Variants in LAMA2 observed in about 807,000 individuals in gnomAD.
The protein encoded by LAMA2 is laminin subunit alpha-2.
LAMA2 carries 269 observed loss-of-function variants against 364.8 expected under a neutral mutation model. The observed-to-expected ratio is 0.74, with a 90% CI of 0.67 to 0.82. LAMA2 has a LOEUF of 0.82. LAMA2 is among the 40% of genes least tolerant of loss of function. LAMA2 has a pLI of 0.00. For synonymous variants in LAMA2, 1,379 were observed against 1,370.6 expected, an observed-to-expected ratio of 1.01 and a Z score of -0.14; for missense variants, 3,807 against 3,873.2, an observed-to-expected ratio of 0.98 and a Z score of 0.45.
At chr6:129,239,135 T>C (rs757992130) in intron 12 of LAMA2, among the ~76,000 whole-genome samples, 8 of 152,196 alleles carry the variant, frequency 5.3e-5, no homozygotes, top group Non-Finnish European at 8.8e-5. Context: ...GATTATTCAA[T>C]TGAATCATCA....
At chr6:129,346,909 G>A (rs893018398) in intron 30 of LAMA2, among the ~76,000 whole-genome samples, 7 of 152,166 alleles carry the variant, frequency 4.6e-5, no homozygotes, top group African/African-American at 1.7e-4. Context: ...GTGCAGAAAT[G>A]TGAATGGTGT....
chr6:129,012,069 T>C (rs1490432391), intron 1 of LAMA2, among the ~76,000 whole-genome samples: 1 of 152,142 alleles, frequency 6.6e-6, no homozygotes, highest in African/African-American at 2.4e-5. Context: ...TCAGGATTAA[T>C]TTTTTTGTCA....
intron 12 of LAMA2, among the ~76,000 whole-genome samples, chr6:129,218,900 A>G (rs1240097054): frequency 6.6e-6 from 1 of 152,192 alleles, no homozygotes; most frequent in African/African-American, 2.4e-5. Context: ...CAATATTTAT[A>G]TGTAAAACCT....
At chr6:129,479,914 C>G (rs1255621649) in intron 54 of LAMA2, 1 of 152,004 alleles carries the variant, frequency 6.6e-6, no homozygotes, top group Non-Finnish European at 1.5e-5. Context: ...CTGTAAGGAC[C>G]CATACTGGCT....
At chr6:128,925,243 G>T (rs1779011669) in intron 1 of LAMA2, among the ~76,000 whole-genome samples, 2 of 152,128 alleles carry the variant, frequency 1.3e-5, no homozygotes, top group Non-Finnish European at 2.9e-5. Context: ...ATTTACAATG[G>T]CCAAAAGGTG....
In LAMA2 at chr6:129,291,611, C is replaced by T. The variant is rs1439257280; in HGVS notation, c.2750-3C>T. The T allele has an allele frequency of 3.7e-6, 6 of 1,611,030 alleles. No individual in the cohort carries two copies. The highest frequency in any genetic ancestry group is 5.1e-6 in the Non-Finnish European group (6 of 1,177,202). ...TGATCACAGGTCTCTCTTCTCTTTG[C>T]AGCCTGTCGCTGTAATGCCGGTGGC... On this transcript the variant is annotated splice_polypyrimidine_tract_variant and splice_region_variant and intron_variant, in intron 19 of 64. Coordinates refer to ENST00000421865, the MANE Select transcript of LAMA2 (RefSeq NM_000426.4).
intron 12 of LAMA2, among the ~76,000 whole-genome samples, chr6:129,212,683 A>G (rs1396452625): frequency 6.6e-6 from 1 of 152,198 alleles, no homozygotes; most frequent in Non-Finnish European, 1.5e-5. Flanking sequence ...CTTGTTTTCA[A>G]ACATCGATTT....
chr6:129,313,982 T>C (rs1284841903), intron 23 of LAMA2, among the ~76,000 whole-genome samples: 2 of 152,262 alleles, frequency 1.3e-5, no homozygotes, highest in Non-Finnish European at 2.9e-5. Flanking sequence ...CTGCTGCCTA[T>C]TTCTTACAGC....
chr6:129,496,623 CTT>C (rs1785213018), intron 58 of LAMA2, among the ~76,000 whole-genome samples: 1 of 152,022 alleles, frequency 6.6e-6, no homozygotes, highest in South Asian at 2.1e-4. Flanking sequence ...TTCTTATGTT[CTT>C]TTTGTGTGTG....
intron 1 of LAMA2, among the ~76,000 whole-genome samples, chr6:128,936,155 A>T (rs1360540645): frequency 6.6e-6 from 1 of 152,150 alleles, no homozygotes; most frequent in East Asian, 1.9e-4. Flanking sequence ...AGCCGTGCTG[A>T]ACTGTGATTC....
At chr6:129,006,653 C>G (rs1784454813) in intron 1 of LAMA2, among the ~76,000 whole-genome samples, 2 of 152,158 alleles carry the variant, frequency 1.3e-5, no homozygotes, top group Admixed American at 6.6e-5. Flanking sequence ...TGCAGTTAGT[C>G]TTCTGCTGCC....
At chr6:129,298,713 C>T (rs1773359380) in intron 21 of LAMA2, among the ~76,000 whole-genome samples, 1 of 152,122 alleles carries the variant, frequency 6.6e-6, no homozygotes, top group Admixed American at 6.6e-5. Context: ...AAGTAGGAAG[C>T]AGTAGGAATA....
rs373949307 is a variant in LAMA2, at chr6:129,297,637, C to G, written c.2857-48C>G. The G allele has an allele frequency of 3.8e-6, 6 of 1,568,768 alleles. No individual in the cohort carries two copies. In the South Asian group the frequency reaches 6.7e-5, roughly 18 times the overall value. ...TGGTATTGTGCATCTTGCTTCACTTCGAGTTAACTGATTTAAATTTAATTT... is the reference window on the plus strand; with the variant it reads ...TGGTATTGTGCATCTTGCTTCACTTGGAGTTAACTGATTTAAATTTAATTT... On this transcript the variant is annotated intron_variant, in intron 20 of 64. Coordinates refer to ENST00000421865, the MANE Select transcript of LAMA2 (RefSeq NM_000426.4).
chr6:129,197,441 A>G lies in LAMA2; in HGVS notation c.1782+4588A>G, dbSNP rs182968744. On this transcript the variant is annotated intron_variant, in intron 12 of 64. Coordinates refer to ENST00000421865, the MANE Select transcript of LAMA2 (RefSeq NM_000426.4). The stretch of plus-strand genomic sequence containing the variant: ...AATTTTACTCTTTCGACCAATTGCC[A>G]GTCAGAAAATCTTTGAATCCATCAA... Among the ~76,000 whole-genome samples, 20 of 152,350 alleles carry G rather than the reference A, an allele frequency of 1.3e-4. No individual in the cohort carries two copies. In the East Asian group the frequency reaches 3.5e-3, roughly 26 times the overall value.
intron 12 of LAMA2, among the ~76,000 whole-genome samples, chr6:129,242,914 G>A (rs1200958481): frequency 6.6e-6 from 1 of 152,070 alleles, no homozygotes; most frequent in Non-Finnish European, 1.5e-5. Context: ...TTTCCTATAT[G>A]GAATGTTGCC....
At chr6:129,158,449 A>G (rs1294645963) in intron 8 of LAMA2, 5 of 1,614,026 alleles carry the variant, frequency 3.1e-6, no homozygotes, top group Non-Finnish European at 3.4e-6. Context: ...CGCTGAACCA[A>G]TAAAGGTAGT....
In LAMA2 at chr6:129,267,201, C is replaced by T. The variant is rs142126511; in HGVS notation, c.2304C>T (p.Asp768=). Residue 768 remains aspartate, a synonymous_variant, in exon 16 of 65, where the codon GAC becomes GAT. Coordinates refer to ENST00000421865, the MANE Select transcript of LAMA2 (RefSeq NM_000426.4). ...QCFGHAESCD[D]VTGECLNCKD... ...TTGGTCATGCGGAGTCCTGTGATGA[C>T]GTCACTGGAGAATGCCTGGTAAGTG... 2.0e-4 allele frequency: 328 copies of T among 1,610,584 alleles called. 1 individual carries two copies. In the East Asian group the frequency reaches 5.3e-3, roughly 26 times the overall value.
At chr6:129,253,953 C>G (rs926889366) in intron 14 of LAMA2, among the ~76,000 whole-genome samples, 1 of 152,154 alleles carries the variant, frequency 6.6e-6, no homozygotes, top group African/African-American at 2.4e-5. Flanking sequence ...TAAGTAAAAG[C>G]CAATGTCAAA....
At position 129,267,188 on chromosome 6, in the gene LAMA2, A is replaced by T; in HGVS notation, c.2291A>T (p.Glu764Val). ...CCATGTCAGTGCTTTGGTCATGCGG[A>T]GTCCTGTGATGACGTCACTGGAGAA... ...CEPCQCFGHA[E>V]SCDDVTGECL... The change falls in exon 16 of 65, where the codon GAG becomes GTG. Residue 764 changes from glutamate to valine, a missense_variant. Glu to Val is a moderately radical substitution (Grantham distance 121). Coordinates refer to ENST00000421865, the MANE Select transcript of LAMA2 (RefSeq NM_000426.4). 1.2e-6 allele frequency: 2 copies of T among 1,612,946 alleles called. No homozygotes were observed. Among genetic ancestry groups the T allele is most frequent in the East Asian group, 2.2e-5 (1 of 44,866 alleles).
Sources: gnomAD v4.1 joint callset for allele counts (sites outside exome capture counted in the v4.1 genomes callset) on GRCh38, gnomAD v4.1.1 for gene constraint, MANE v1.5 for transcripts, NCBI Gene and HGNC (gene_info 2026-07-23, HGNC 2026-07-21) for gene names.